LHFPL3: variants seen among roughly 807,000 people sequenced by gnomAD.
LHFPL3 encodes LHFPL tetraspan subfamily member 3 protein.
In LHFPL3, 5 loss-of-function variants were observed where a neutral mutation model predicts 19.3. The observed-to-expected ratio is 0.26, with a 90% CI of 0.14 to 0.54. The LOEUF is 0.54. Among genes scored for constraint, LHFPL3 ranks in the 20% least tolerant of loss-of-function variants. LHFPL3 has a pLI of 0.94. For missense variants in LHFPL3, 249 were observed against 307.4 expected (o/e 0.81, Z 1.42); for synonymous variants, 133 against 126.2 (o/e 1.05, Z -0.36).
rs10447753 is a variant in LHFPL3 at position 104,737,575 on chromosome 7, T to C, written c.682+664T>C. ...CATTGACTATTGAATGATACGTAAA[T>C]ATATCATAGTGGGCAAATAAGAGGT... is the stretch of plus-strand genomic sequence containing the variant. On this transcript the variant is annotated intron_variant, in intron 2 of 2. Transcript: ENST00000424859. Among the ~76,000 whole-genome samples the C allele has an allele frequency of 6.3e-3, 960 of 152,302 alleles. 4 individuals carry two copies. Among genetic ancestry groups the C allele is most frequent in the Admixed American group, 8.4e-3 (129 of 15,294 alleles).
chr7:104,755,088 C>T (rs946261194), intron 2 of LHFPL3, among the ~76,000 whole-genome samples: 5 of 152,176 alleles, frequency 3.3e-5, no homozygotes, highest in African/African-American at 1.2e-4. Flanking sequence ...TTATTCCTCA[C>T]AAGTCTAGGG....
At chr7:104,814,156 A>G (rs1398034547) in intron 2 of LHFPL3, among the ~76,000 whole-genome samples, 1 of 152,206 alleles carries the variant, frequency 6.6e-6, no homozygotes, top group Admixed American at 6.5e-5. Flanking sequence ...TTCGGCTCCT[A>G]GCAGAGGGTA....
chr7:104,361,500 G>A (rs182310094), intron 1 of LHFPL3, among the ~76,000 whole-genome samples: 21 of 152,244 alleles, frequency 1.4e-4, no homozygotes, highest in Admixed American at 7.2e-4. Flanking sequence ...CTGAAAGTGG[G>A]AGCTGAAGGA....
At chr7:104,555,424 G>A (rs535747978) in intron 1 of LHFPL3, among the ~76,000 whole-genome samples, 2 of 152,316 alleles carry the variant, frequency 1.3e-5, no homozygotes, top group South Asian at 2.1e-4. Flanking sequence ...AGAAGGCAAG[G>A]AGGAGCAAGT....
In LHFPL3 at chr7:104,365,801, A is replaced by AG. The variant is rs1554381878; in HGVS notation, c.445+36577_445+36578insG. ...AGACTCCGTCTCAAAAAAAAAAAAA[A>AG]AAAAGAAAAGCCTCTTTCCAGCTAG... On this transcript the variant is annotated intron_variant, in intron 1 of 2. Coordinates refer to ENST00000424859, the MANE Select transcript of LHFPL3 (RefSeq NM_199000.3). 4.2e-5 allele frequency among the ~76,000 whole-genome samples: 6 copies of AG among 142,306 alleles called. 1 individual carries two copies. The highest frequency in any genetic ancestry group is 9.3e-5 in the Non-Finnish European group (6 of 64,750). 93.4% of individuals were successfully genotyped at this position (142,306 alleles called of 152,430 possible).
chr7:104,579,476 A>G (rs1412296615), intron 1 of LHFPL3, among the ~76,000 whole-genome samples: 1 of 152,216 alleles, frequency 6.6e-6, no homozygotes, highest in Non-Finnish European at 1.5e-5. Context: ...TCCATGCTGC[A>G]GCAAAGAATA....
intron 1 of LHFPL3, among the ~76,000 whole-genome samples, chr7:104,377,081 A>C (rs961264072): frequency 6.6e-6 from 1 of 152,184 alleles, no homozygotes; most frequent in East Asian, 1.9e-4. Context: ...AACTAACTCC[A>C]TTAGGTCTGC....
At chr7:104,419,718 A>G (rs1391647615) in intron 1 of LHFPL3, among the ~76,000 whole-genome samples, 1 of 152,208 alleles carries the variant, frequency 6.6e-6, no homozygotes, top group African/African-American at 2.4e-5. Flanking sequence ...TCTTCTGAGT[A>G]GAGATAATCA....
chr7:104,711,092 TACATACTCTTTTTCAA>T (rs1454358525), intron 1 of LHFPL3, among the ~76,000 whole-genome samples: 6 of 152,226 alleles, frequency 3.9e-5, no homozygotes, highest in Admixed American at 3.9e-4. Context: ...ACAGAATCCA[TACATACTCTTTTTCAA>T]ACTTTCATAT....
chr7:104,829,193 C>T (rs1790884284), intron 2 of LHFPL3, among the ~76,000 whole-genome samples: 1 of 151,866 alleles, frequency 6.6e-6, no homozygotes, highest in African/African-American at 2.4e-5. Context: ...AGCCACTCTC[C>T]CTGACCAAGG....
intron 1 of LHFPL3, among the ~76,000 whole-genome samples, chr7:104,577,077 T>C (rs1270947333): frequency 1.3e-5 from 2 of 152,218 alleles, no homozygotes; most frequent in African/African-American, 4.8e-5. Flanking sequence ...AGCTTTCTTA[T>C]ATTTCATGAA....
chr7:104,588,373 A>G (rs1790629754), intron 1 of LHFPL3, among the ~76,000 whole-genome samples: 1 of 152,194 alleles, frequency 6.6e-6, no homozygotes, highest in African/African-American at 2.4e-5. Context: ...CTAAATAGGG[A>G]ATCATTTCCC....
At chr7:104,439,266 A>G (rs969959838) in intron 1 of LHFPL3, among the ~76,000 whole-genome samples, 34 of 152,324 alleles carry the variant, frequency 2.2e-4, no homozygotes, top group Admixed American at 2.0e-3. Flanking sequence ...TTTAGAAAAC[A>G]GAGGATGAAG....
In LHFPL3 at chr7:104,328,765, A is replaced by AGGG. The variant is rs767447710; in HGVS notation, c.-13_-12insGGG. 1.1e-5 allele frequency: 17 copies of AGGG among 1,555,234 alleles called. No individual in the cohort carries two copies. The African/African-American group carries it at 2.2e-4, about 20-fold the overall frequency. On this transcript the variant is annotated 5_prime_UTR_variant, in exon 1 of 3. Transcript: ENST00000424859. This position sits in a 1 kb window ranked among gnomAD's most constrained non-coding sequence, Gnocchi z 4.6. ...GAGGACCAGGAGGAGGAGGAGGAGGAGGAGGAGGGGGAGAATGCCCGGAGC... is the reference window on the plus strand; with the variant it reads ...GAGGACCAGGAGGAGGAGGAGGAGGAGGGGGAGGAGGGGGAGAATGCCCGGAGC...
At chr7:104,386,602 T>C (rs1790948498) in intron 1 of LHFPL3, among the ~76,000 whole-genome samples, 1 of 152,188 alleles carries the variant, frequency 6.6e-6, no homozygotes, top group Non-Finnish European at 1.5e-5. Context: ...CTGTCTAACC[T>C]TGAGTCTCTG....
At chr7:104,827,050 T>C (rs995703402) in intron 2 of LHFPL3, among the ~76,000 whole-genome samples, 5 of 151,964 alleles carry the variant, frequency 3.3e-5, no homozygotes, top group African/African-American at 1.2e-4. Context: ...CATCACCTAT[T>C]TTTGCACCAT....
intron 2 of LHFPL3, among the ~76,000 whole-genome samples, chr7:104,831,047 C>G (rs1024814916): frequency 6.6e-5 from 10 of 151,826 alleles, no homozygotes; most frequent in African/African-American, 2.4e-4. Flanking sequence ...TGGAAAAGGA[C>G]TAGAAAGAAT....
chr7:104,474,772 A>G (rs142263851), intron 1 of LHFPL3, among the ~76,000 whole-genome samples: 1,553 of 152,244 alleles, frequency 0.01, 11 homozygotes, highest in Non-Finnish European at 0.015. Flanking sequence ...GTAGAATGAA[A>G]TAAATACTGA....
chr7:104,345,482 C>T (rs1169489460), intron 1 of LHFPL3, among the ~76,000 whole-genome samples: 2 of 152,018 alleles, frequency 1.3e-5, no homozygotes, highest in Non-Finnish European at 2.9e-5. Context: ...GGGAAAATGA[C>T]CTGTTTATCT....
Sources: allele counts gnomAD v4.1 joint callset (sites outside exome capture counted in the v4.1 genomes callset), GRCh38; gene constraint gnomAD v4.1.1; non-coding constraint Gnocchi (gnomAD v3.1); transcripts MANE v1.5; gene names NCBI Gene and HGNC (gene_info 2026-07-23, HGNC 2026-07-21).